The following DNAI1 variants were observed in gnomAD, a reference collection of about 807,000 sequenced individuals.
DNAI1 encodes dynein axonemal intermediate chain 1.
A neutral mutation model predicts 92.0 loss-of-function variants in DNAI1; 67 were observed. The ratio of observed to expected loss-of-function variants is 0.73; its 90% CI spans 0.60 to 0.89. DNAI1 has a LOEUF of 0.89. DNAI1 is among the 40% of genes least tolerant of loss of function. The pLI is 0.00. For missense variants in DNAI1, 839 were observed against 866.6 expected, an observed-to-expected ratio of 0.97 and a Z score of 0.40; for synonymous variants, 323 against 319.6, an observed-to-expected ratio of 1.01 and a Z score of -0.11.
At chr9:34,508,694 C>G (rs1467344857) in intron 13 of DNAI1, among the ~76,000 whole-genome samples, 1 of 152,082 alleles carries the variant, frequency 6.6e-6, no homozygotes, top group African/African-American at 2.4e-5. Context: ...AGCCAACCAC[C>G]CTACTCCTAC....
chr9:34,460,416 T>C (rs1310533287), intron 1 of DNAI1, among the ~76,000 whole-genome samples: 1 of 152,258 alleles, frequency 6.6e-6, no homozygotes, highest in Non-Finnish European at 1.5e-5. Flanking sequence ...ATGCTACTTA[T>C]GACTTTGCAT....
At chr9:34,485,613 G>T in intron 4 of DNAI1, 96 bp downstream of exon 4, 1 of 1,211,226 alleles carries the variant, frequency 8.3e-7, no homozygotes, top group South Asian at 1.3e-5. Context: ...AATTCTAGAG[G>T]AGAGCACTTT....
intron 12 of DNAI1, among the ~76,000 whole-genome samples, chr9:34,504,683 C>T (rs560300695): frequency 2.6e-5 from 4 of 152,352 alleles, no homozygotes; most frequent in Non-Finnish European, 2.9e-5. Context: ...TCTAATCGAA[C>T]GAGAGTGCCT....
At chr9:34,485,108 A>G (rs1181159592) in intron 2 of DNAI1, 34 bp from the exon 3 acceptor site, 2 of 1,609,486 alleles carry the variant, frequency 1.2e-6, no homozygotes, top group South Asian at 2.2e-5. Context: ...AGCAGAAAAG[A>G]CACTCCCAAG....
At chr9:34,470,859 TA>T (rs1361825483) in intron 1 of DNAI1, among the ~76,000 whole-genome samples, 79 of 152,306 alleles carry the variant, frequency 5.2e-4, no homozygotes, top group Non-Finnish European at 1.2e-4. Flanking sequence ...AAAAGGTTAA[TA>T]TCTTACAGTT....
rs536445094 is a variant in DNAI1, at chr9:34,484,218, TAAATAAATAA to T, written c.81+757_81+766del. On this transcript the variant is annotated intron_variant, in intron 2 of 19. Transcript: ENST00000242317. ...TGACAGAGAAAGACTCCATCTCAAATAAATAAATAAAAATAAATAAAAATAAATGTTTTCT... is the reference window on the plus strand; with the variant it reads ...TGACAGAGAAAGACTCCATCTCAAATAAATAAATAAAAATAAATGTTTTCT... Among the ~76,000 whole-genome samples, 403 of 152,206 alleles carry T rather than the reference TAAATAAATAA, an allele frequency of 2.6e-3. 1 individual carries two copies. The highest frequency in any genetic ancestry group is 9.0e-3 in the African/African-American group (373 of 41,536).
intron 18 of DNAI1, among the ~76,000 whole-genome samples, chr9:34,517,055 A>G (rs897956014): frequency 1.3e-5 from 2 of 152,122 alleles, no homozygotes; most frequent in Non-Finnish European, 2.9e-5. Context: ...TATAGCTGCT[A>G]TTATTAATTC....
intron 19 of DNAI1, 77 bp downstream of exon 19, chr9:34,517,544 A>G (rs1375350935): frequency 6.4e-7 from 1 of 1,563,042 alleles, no homozygotes; most frequent in Non-Finnish European, 8.8e-7. Flanking sequence ...GGGAGAAGCC[A>G]GGGTGACCAC....
intron 1 of DNAI1, among the ~76,000 whole-genome samples, chr9:34,460,107 C>T (rs1823919838): frequency 6.6e-6 from 1 of 152,156 alleles, no homozygotes; most frequent in African/African-American, 2.4e-5. Flanking sequence ...CTTATTACCA[C>T]CTGGACAGAT....
chr9:34,494,170 TC>T (rs1351799496), intron 9 of DNAI1, among the ~76,000 whole-genome samples: 8 of 152,030 alleles, frequency 5.3e-5, no homozygotes, highest in Non-Finnish European at 2.9e-5. Context: ...ATGGCTGCTC[TC>T]GGGGAAGTGG....
At chr9:34,482,802 C>G (rs903738003) in intron 1 of DNAI1, among the ~76,000 whole-genome samples, 2 of 152,240 alleles carry the variant, frequency 1.3e-5, no homozygotes, top group African/African-American at 4.8e-5. Flanking sequence ...GACTGGGCGC[C>G]GTGGAGCAGA....
rs1182667330 is a variant in DNAI1 at position 34,514,688 on chromosome 9, C to A, written c.1767C>A (p.Ala589=). The A allele has an allele frequency of 9.3e-6, 15 of 1,614,022 alleles. No homozygotes were observed. Among genetic ancestry groups the A allele is most frequent in the Non-Finnish European group, 1.3e-5 (15 of 1,180,054 alleles). ...TGAACTCAGCCGTGGGTGATGTGGCCTGGGCGCCATACTCTTCTACTGTGT... is the reference window on the plus strand; with the variant it reads ...TGAACTCAGCCGTGGGTGATGTGGCATGGGCGCCATACTCTTCTACTGTGT... ...YDLNSAVGDV[A]WAPYSSTVFA... is the part of the protein sequence containing the mutation. The change falls in exon 18 of 20, where the codon GCC becomes GCA. Residue 589 remains alanine (A), a synonymous_variant. Coordinates refer to ENST00000242317, the MANE Select transcript of DNAI1 (RefSeq NM_012144.4).
intron 18 of DNAI1, among the ~76,000 whole-genome samples, chr9:34,516,044 G>A (rs1272969616): frequency 6.6e-6 from 1 of 152,206 alleles, no homozygotes; most frequent in East Asian, 1.9e-4. Flanking sequence ...GGATACAGTG[G>A]TCAGGAAAGG....
rs1825077777 is a variant in DNAI1, at chr9:34,512,175, A to G, written c.1378A>G (p.Ile460Val). Reference protein sequence around the residue: ...NFFSVSSDGRIVSWTLVKRKL... With the variant: ...NFFSVSSDGRVVSWTLVKRKL... The stretch of plus-strand genomic sequence containing the variant: ...CTTCTCTGTGTCATCTGACGGCAGG[A>G]TTGTGTCTTGGACTCTCGTGAAGGT... The change falls in exon 14 of 20, where the codon ATT becomes GTT. Residue 460 changes from isoleucine (I) to valine (V), a missense_variant. Transcript: ENST00000242317. The G allele has an allele frequency of 6.2e-7, 1 of 1,614,078 alleles. No homozygotes were observed. Among genetic ancestry groups the G allele is most frequent in the South Asian group, 1.1e-5 (1 of 91,074 alleles).
At chr9:34,485,411 A>G (rs2132057611) in intron 3 of DNAI1, 26 bp from the exon 4 acceptor site, 1 of 1,613,224 alleles carries the variant, frequency 6.2e-7, no homozygotes, top group African/African-American at 1.3e-5. Context: ...TTCATGTATG[A>G]CCCTCTTGGT....
At chr9:34,462,913 T>C (rs896701132) in intron 1 of DNAI1, among the ~76,000 whole-genome samples, 2 of 152,198 alleles carry the variant, frequency 1.3e-5, no homozygotes, top group African/African-American at 4.8e-5. Context: ...CAAACAAAAA[T>C]CCCTGCTCTC....
At position 34,514,759 on chromosome 9, in the gene DNAI1, C is replaced by T. The variant is rs770257357; in HGVS notation, c.1818+20C>T. 1.2e-5 allele frequency: 19 copies of T among 1,611,978 alleles called. No individual in the cohort carries two copies. Among genetic ancestry groups the T allele is most frequent in the Non-Finnish European group, 1.5e-5 (18 of 1,178,406 alleles). On this transcript the variant is annotated intron_variant, in intron 18 of 19. Transcript: ENST00000242317. ...GGGAAGGTGAGTGCCAGCGTCCTGACTTCACTGAGTCCCTACTGGAGATCA... is the reference window on the plus strand; with the variant it reads ...GGGAAGGTGAGTGCCAGCGTCCTGATTTCACTGAGTCCCTACTGGAGATCA...
rs1027284486 is a variant in DNAI1, at chr9:34,490,561, T to C, written c.621+73T>C. On this transcript the variant is annotated intron_variant, in intron 7 of 19. Coordinates refer to ENST00000242317, the MANE Select transcript of DNAI1 (RefSeq NM_012144.4). ...GGCAGGGAAGAAGCAGGCCTGACCCTGGCCCTAGCAGACCTCAGCCTGGCA... is the reference window on the plus strand; with the variant it reads ...GGCAGGGAAGAAGCAGGCCTGACCCCGGCCCTAGCAGACCTCAGCCTGGCA... 5 of 1,605,256 alleles carry C rather than the reference T, an allele frequency of 3.1e-6. No homozygotes were observed. In the East Asian group the frequency reaches 1.1e-4, roughly 36 times the overall value.
intron 10 of DNAI1, among the ~76,000 whole-genome samples, chr9:34,497,621 T>C (rs1229892657): frequency 6.6e-6 from 1 of 152,188 alleles, no homozygotes; most frequent in Non-Finnish European, 1.5e-5. Flanking sequence ...TCAGAGCACC[T>C]TGGGAATGCT....
Sources: gnomAD v4.1 joint callset for allele counts (sites outside exome capture counted in the v4.1 genomes callset) on GRCh38, gnomAD v4.1.1 for gene constraint, MANE v1.5 for transcripts, NCBI Gene and HGNC (gene_info 2026-07-23, HGNC 2026-07-21) for gene names.